PPM1E: variants seen among roughly 807,000 people sequenced by gnomAD.
The protein encoded by PPM1E is protein phosphatase, Mg2+/Mn2+ dependent 1E, also known as protein phosphatase 1E.
In PPM1E, 20 loss-of-function variants were observed where a neutral mutation model predicts 65.9. That is an observed-to-expected ratio of 0.30 (90% CI 0.21 to 0.44). The LOEUF (loss-of-function observed/expected upper bound fraction) is 0.44. Ranked by LOEUF, PPM1E falls within the 20% of genes least tolerant of loss-of-function variation. The probability of loss-of-function intolerance (pLI) is 1.00; values close to 1 mark genes in which losing one functional copy is unlikely to be tolerated. For missense variants in PPM1E, 713 were observed against 953.1 expected (o/e 0.75, Z 3.32); for synonymous variants, 352 against 374.9 (o/e 0.94, Z 0.70).
Position 58,976,269 on chromosome 17 carries a change from A to C in PPM1E, c.1210+3344A>C, listed in dbSNP as rs137966078. On this transcript the variant is annotated intron_variant, in intron 6 of 6. Transcript: ENST00000308249. ...CTGAGAAAATGGTAGCTGATATGGG[A>C]GAATCTCTACAGATTAAACAGTGCA... Among the ~76,000 whole-genome samples the C allele has an allele frequency of 4.8e-3, 725 of 152,296 alleles. 5 individuals are homozygous for C. Among genetic ancestry groups the C allele is most frequent in the Non-Finnish European group, 8.3e-3 (562 of 68,030 alleles).
intron 1 of PPM1E, among the ~76,000 whole-genome samples, chr17:58,772,678 G>A (rs746072866): frequency 1.8e-4 from 28 of 152,044 alleles, no homozygotes; most frequent in Middle Eastern, 3.2e-3. Context: ...GTACTTGTCT[G>A]GCTAACTTTT....
chr17:58,962,922 A>C (rs569789663), intron 2 of PPM1E, among the ~76,000 whole-genome samples: 25 of 151,984 alleles, frequency 1.6e-4, no homozygotes, highest in African/African-American at 5.1e-4. Flanking sequence ...TTAACAACAA[A>C]AAAAATTTTT....
intron 1 of PPM1E, among the ~76,000 whole-genome samples, chr17:58,855,115 T>A (rs1038469096): frequency 5.6e-4 from 86 of 152,302 alleles, no homozygotes; most frequent in African/African-American, 2.0e-3. Context: ...TCTATCAAAT[T>A]CTCACAGTGA....
intron 1 of PPM1E, among the ~76,000 whole-genome samples, chr17:58,859,133 A>G (rs2050912717): frequency 1.3e-5 from 2 of 152,212 alleles, no homozygotes; most frequent in African/African-American, 2.4e-5. Flanking sequence ...CAGGGTTGCA[A>G]CATGTTTCAT....
At chr17:58,920,425 C>T (rs1223672768) in intron 1 of PPM1E, among the ~76,000 whole-genome samples, 1 of 152,148 alleles carries the variant, frequency 6.6e-6, no homozygotes, top group Non-Finnish European at 1.5e-5. Flanking sequence ...TCATTTTAAG[C>T]ATTCTACTCT....
At chr17:58,877,360 C>A (rs1288837220) in intron 1 of PPM1E, among the ~76,000 whole-genome samples, 1 of 152,048 alleles carries the variant, frequency 6.6e-6, no homozygotes, top group Non-Finnish European at 1.5e-5. Context: ...TCCTGTTTTT[C>A]AGAGGATAGC....
intron 1 of PPM1E, among the ~76,000 whole-genome samples, chr17:58,935,557 C>G (rs1049789887): frequency 8.5e-5 from 13 of 152,126 alleles, no homozygotes; most frequent in African/African-American, 2.9e-4. Context: ...AGAGCTGTTT[C>G]AGTAAAGATG....
chr17:58,845,564 A>G (rs1486352339), intron 1 of PPM1E, among the ~76,000 whole-genome samples: 13 of 152,150 alleles, frequency 8.5e-5, no homozygotes, highest in Admixed American at 8.5e-4. Flanking sequence ...ACTACAATGA[A>G]TAACTAATTT....
intron 1 of PPM1E, among the ~76,000 whole-genome samples, chr17:58,921,971 C>G (rs919331377): frequency 2.0e-5 from 3 of 148,964 alleles, no homozygotes; most frequent in Non-Finnish European, 4.4e-5. Flanking sequence ...ACCCGGGAGG[C>G]AGAGGTTGCA....
At chr17:58,815,604 G>A (rs1461445380) in intron 1 of PPM1E, among the ~76,000 whole-genome samples, 8 of 152,126 alleles carry the variant, frequency 5.3e-5, no homozygotes, top group African/African-American at 1.9e-4. Context: ...TATTTTCTAA[G>A]GTGTTTTTCC....
intron 1 of PPM1E, among the ~76,000 whole-genome samples, chr17:58,898,602 G>A (rs1332099692): frequency 1.3e-5 from 2 of 152,008 alleles, no homozygotes; most frequent in Admixed American, 6.6e-5. Flanking sequence ...ACAGTGTGAC[G>A]ATTCCTCAAG....
In PPM1E at chr17:58,972,106, T is replaced by G. The variant is rs563248321; in HGVS notation, c.973-26T>G. 9.4e-6 allele frequency: 15 copies of G among 1,599,914 alleles called. No individual in the cohort carries two copies. In the South Asian group the frequency reaches 1.6e-4, roughly 17 times the overall value. On this transcript the variant is annotated intron_variant, in intron 4 of 6. Coordinates refer to ENST00000308249, the MANE Select transcript of PPM1E (RefSeq NM_014906.5). ...GTAGTATCTATTTCTTTTCACTGAG[T>G]CTAGTTTTATTTAAACTGTTTTCAG...
intron 1 of PPM1E, among the ~76,000 whole-genome samples, chr17:58,862,665 G>A (rs6503884): frequency 0.15 from 22,342 of 152,094 alleles, 2,553 homozygotes; most frequent in East Asian, 0.31. Flanking sequence ...ATTATATTTT[G>A]GGCAGATGTG....
At chr17:58,802,414 A>T (rs987027048) in intron 1 of PPM1E, among the ~76,000 whole-genome samples, 1 of 152,150 alleles carries the variant, frequency 6.6e-6, no homozygotes, top group Non-Finnish European at 1.5e-5. Context: ...TGCCAGTGCC[A>T]TACTGCTTTG....
chr17:58,876,806 C>T (rs562314375), intron 1 of PPM1E, among the ~76,000 whole-genome samples: 11 of 151,858 alleles, frequency 7.2e-5, no homozygotes, highest in African/African-American at 2.4e-4. Context: ...TTTTTTGAGA[C>T]GGAGTCTGGC....
chr17:58,881,930 A>G (rs2051199365), intron 1 of PPM1E, among the ~76,000 whole-genome samples: 1 of 146,010 alleles, frequency 6.8e-6, no homozygotes, highest in Admixed American at 7.1e-5. Context: ...ATACTGAGGC[A>G]GTTGGATGAC....
intron 1 of PPM1E, among the ~76,000 whole-genome samples, chr17:58,945,384 C>G (rs1463958052): frequency 1.3e-5 from 2 of 152,222 alleles, no homozygotes; most frequent in African/African-American, 4.8e-5. Flanking sequence ...CTCAGGTGAT[C>G]GTCCCGCCTT....
chr17:58,777,866 T>G (rs2050008633), intron 1 of PPM1E, among the ~76,000 whole-genome samples: 1 of 152,236 alleles, frequency 6.6e-6, no homozygotes, highest in Non-Finnish European at 1.5e-5. Context: ...AAGTACTTAA[T>G]GAATAAAATA....
chr17:58,930,328 G>A (rs555682636), intron 1 of PPM1E, among the ~76,000 whole-genome samples: 48 of 151,460 alleles, frequency 3.2e-4, no homozygotes, highest in Non-Finnish European at 6.3e-4. Flanking sequence ...GCTGGATGTG[G>A]TTGCACACGC....
Sources: allele counts gnomAD v4.1 joint callset (sites outside exome capture counted in the v4.1 genomes callset), GRCh38; gene constraint gnomAD v4.1.1; transcripts MANE v1.5; gene names NCBI Gene and HGNC (gene_info 2026-07-23, HGNC 2026-07-21).